Variants in TGFBR3 observed in about 807,000 individuals in gnomAD.
TGFBR3 encodes transforming growth factor beta receptor 3, also known as transforming growth factor beta receptor type 3.
Under a neutral mutation model 87.9 loss-of-function variants are expected in TGFBR3, and 46 were observed. That is an observed-to-expected ratio of 0.52 (90% CI 0.41 to 0.67). The LOEUF (loss-of-function observed/expected upper bound fraction) is 0.67, where lower values mean the gene tolerates loss of function less well. TGFBR3 is among the 30% of genes least tolerant of loss of function. The pLI, the probability that TGFBR3 is intolerant of heterozygous loss-of-function variation, is 0.00. For missense variants in TGFBR3, 866 were observed against 1,041.9 expected, an observed-to-expected ratio of 0.83 and a Z score of 2.32; for synonymous variants, 381 against 391.6, an observed-to-expected ratio of 0.97 and a Z score of 0.32.
rs543461938 is a variant in TGFBR3 at position 91,720,142 on chromosome 1, G to A, written c.1164C>T (p.Asn388=). Residue 388 remains asparagine, a synonymous_variant, in exon 9 of 17, where the codon AAC becomes AAT. Transcript: ENST00000212355. ...LDPGALPALQ[N]PPIRGGEGQN... is the part of the protein sequence containing the mutation. The stretch of plus-strand genomic sequence containing the variant: ...GGCCTTCCCCTCCCCGGATGGGCGG[G>A]TTCTGCAGGGCAGGCAGGGCACCAG... The A allele has an allele frequency of 2.2e-5, 36 of 1,614,036 alleles. 1 individual carries two copies. In the South Asian group the frequency reaches 3.5e-4, roughly 16 times the overall value.
At chr1:91,700,861 G>C (rs1267590804) in intron 14 of TGFBR3, among the ~76,000 whole-genome samples, 2 of 152,172 alleles carry the variant, frequency 1.3e-5, no homozygotes, top group Non-Finnish European at 2.9e-5. Context: ...TGAAGGAAGA[G>C]TATCTACCCA....
intron 1 of TGFBR3, 77 bp downstream of exon 1, chr1:91,885,801 C>A: frequency 4.7e-6 from 1 of 213,906 alleles, no homozygotes; most frequent in Non-Finnish European, 9.2e-6. Context: ...CCGCGCCGCG[C>A]CGACGGGCAC....
chr1:91,750,195 C>T (rs184848167), intron 4 of TGFBR3, among the ~76,000 whole-genome samples: 10 of 152,302 alleles, frequency 6.6e-5, no homozygotes, highest in Non-Finnish European at 1.0e-4. Flanking sequence ...AGTAGGTCTT[C>T]CTCAGGAAAA....
chr1:91,882,445 T>C (rs1417743353), intron 1 of TGFBR3, among the ~76,000 whole-genome samples: 1 of 151,362 alleles, frequency 6.6e-6, no homozygotes, highest in Non-Finnish European at 1.5e-5. Context: ...CCAAAAACTT[T>C]TTTTAAAAGT....
chr1:91,816,651 T>C (rs1256513216), intron 2 of TGFBR3, among the ~76,000 whole-genome samples: 1 of 152,206 alleles, frequency 6.6e-6, no homozygotes, highest in Non-Finnish European at 1.5e-5. Flanking sequence ...AGAAACTGCG[T>C]GGTTCCCATA....
At chr1:91,812,845 C>A (rs1415237014) in intron 2 of TGFBR3, among the ~76,000 whole-genome samples, 1 of 152,158 alleles carries the variant, frequency 6.6e-6, no homozygotes, top group Admixed American at 6.5e-5. Context: ...AACTCCTGAC[C>A]TCAGGTGATT....
chr1:91,711,594 C>T (rs1170310241), intron 13 of TGFBR3, among the ~76,000 whole-genome samples: 1 of 152,164 alleles, frequency 6.6e-6, no homozygotes, highest in East Asian at 1.9e-4. Context: ...AGAAACAAAA[C>T]TATGGCAGAA....
rs147181575 is a variant in TGFBR3 at position 91,685,916 on chromosome 1, T to A, written c.2438-2059A>T. Among the ~76,000 whole-genome samples the A allele has an allele frequency of 5.9e-4, 90 of 152,244 alleles. 1 individual carries two copies. In the East Asian group the frequency reaches 0.012, roughly 20 times the overall value. On this transcript the variant is annotated intron_variant, in intron 16 of 16. Transcript: ENST00000212355. The stretch of plus-strand genomic sequence containing the variant: ...ACATGTTGGTCCATACCCAGCTGGA[T>A]CCTCACATAATCAATCAGAAGGACT...
intron 4 of TGFBR3, among the ~76,000 whole-genome samples, chr1:91,752,065 T>G (rs1206660819): frequency 6.6e-6 from 1 of 152,102 alleles, no homozygotes; most frequent in Non-Finnish European, 1.5e-5. Context: ...ATATAACTAG[T>G]TAGTGGCAGA....
At chr1:91,847,401 C>T (rs916836403) in intron 2 of TGFBR3, among the ~76,000 whole-genome samples, 3 of 151,740 alleles carry the variant, frequency 2.0e-5, no homozygotes, top group African/African-American at 4.8e-5. Context: ...GTTGGGAGTT[C>T]GAGACCAGCC....
chr1:91,707,388 C>T (rs1010160748), intron 14 of TGFBR3, among the ~76,000 whole-genome samples: 2 of 152,206 alleles, frequency 1.3e-5, no homozygotes, highest in African/African-American at 4.8e-5. Flanking sequence ...GGTTAGTCAA[C>T]CAATAAGACA....
intron 2 of TGFBR3, among the ~76,000 whole-genome samples, chr1:91,804,968 C>T (rs1362969317): frequency 1.3e-5 from 2 of 152,176 alleles, no homozygotes; most frequent in Admixed American, 6.5e-5. Context: ...TGGACGATGA[C>T]GAAAGAACAC....
At chr1:91,881,258 A>G (rs926416613) in intron 1 of TGFBR3, among the ~76,000 whole-genome samples, 5 of 152,226 alleles carry the variant, frequency 3.3e-5, no homozygotes, top group Non-Finnish European at 5.9e-5. Context: ...CTCAAAGGAC[A>G]GTTGAGTTCC....
At position 91,767,144 on chromosome 1, in the gene TGFBR3, TTC is replaced by T. The variant is rs1674213964; in HGVS notation, c.247-8396_247-8395del. ...ATGGCTGTAAGATCTCAATAAGGAT[TTC>T]TGTTTAAGCAGCATCTTAAAGTTAG... On this transcript the variant is annotated intron_variant, in intron 3 of 16. Transcript: ENST00000212355. 1.5e-5 allele frequency among the ~76,000 whole-genome samples: 2 copies of T among 133,722 alleles called. 1 individual carries two copies. Among genetic ancestry groups the T allele is most frequent in the Admixed American group, 1.5e-4 (2 of 13,168 alleles). 87.7% of individuals were successfully genotyped at this position (133,722 alleles called of 152,430 possible). A position where few individuals can be genotyped will look rare whatever the true frequency, so the allele number is the denominator to read the frequency against.
intron 3 of TGFBR3, among the ~76,000 whole-genome samples, chr1:91,773,636 C>T (rs778348078): frequency 2.6e-5 from 4 of 152,162 alleles, no homozygotes; most frequent in African/African-American, 9.7e-5. Context: ...GAGCCGAGAT[C>T]GCGCCACTGC....
chr1:91,801,375 G>A (rs1237753191), intron 2 of TGFBR3, among the ~76,000 whole-genome samples: 2 of 152,140 alleles, frequency 1.3e-5, no homozygotes, highest in African/African-American at 4.8e-5. Flanking sequence ...TGCCCGTGGA[G>A]ATGGAGAGAA....
intron 2 of TGFBR3, among the ~76,000 whole-genome samples, chr1:91,844,656 T>G (rs1474171456): frequency 2.6e-5 from 4 of 152,220 alleles, no homozygotes; most frequent in Non-Finnish European, 5.9e-5. Context: ...AGTTTTATCT[T>G]TTTGAGGAAA....
intron 2 of TGFBR3, among the ~76,000 whole-genome samples, chr1:91,849,559 A>T (rs1677636985): frequency 6.6e-6 from 1 of 152,204 alleles, no homozygotes; most frequent in Non-Finnish European, 1.5e-5. Flanking sequence ...AATCCCCGCT[A>T]ACAATCCCCA....
intron 3 of TGFBR3, 61 bp from the exon 4 acceptor site, chr1:91,758,811 G>A: frequency 6.2e-7 from 1 of 1,609,012 alleles, no homozygotes; most frequent in Non-Finnish European, 8.5e-7. Flanking sequence ...AAATCACTCA[G>A]AGCAGCCTCT....
Sources: gnomAD v4.1 joint callset for allele counts (sites outside exome capture counted in the v4.1 genomes callset) on GRCh38, gnomAD v4.1.1 for gene constraint, MANE v1.5 for transcripts, NCBI Gene and HGNC (gene_info 2026-07-23, HGNC 2026-07-21) for gene names.